Variants in ANKDD1A observed in about 807,000 individuals in gnomAD.
ANKDD1A encodes the protein ankyrin repeat and death domain-containing protein 1A.
In ANKDD1A, 59 loss-of-function variants were observed where a neutral mutation model predicts 63.5. That is an observed-to-expected ratio of 0.93 (90% confidence interval 0.75 to 1.15). ANKDD1A has a LOEUF of 1.15. Among genes scored for constraint, ANKDD1A ranks in the 50% most tolerant of loss-of-function variants. The probability of loss-of-function intolerance (pLI) is 0.00; values close to 1 mark genes in which losing one functional copy is unlikely to be tolerated. For synonymous variants in ANKDD1A, 266 were observed against 263.9 expected, an observed-to-expected ratio of 1.01 and a Z score of -0.08; for missense variants, 632 against 656.4, an observed-to-expected ratio of 0.96 and a Z score of 0.41.
intron 13 of ANKDD1A, among the ~76,000 whole-genome samples, chr15:64,947,865 G>A (rs2085236662): frequency 6.6e-6 from 1 of 152,050 alleles, no homozygotes; most frequent in Admixed American, 6.5e-5. Flanking sequence ...AACCATTCTT[G>A]GTAAAAAGAA....
intron 1 of ANKDD1A, among the ~76,000 whole-genome samples, chr15:64,914,890 ACT>A (rs2084958001): frequency 6.6e-6 from 1 of 151,984 alleles, no homozygotes; most frequent in South Asian, 2.1e-4. Flanking sequence ...TTAATCTGAG[ACT>A]CTGTGCTAAA....
chr15:64,926,787 C>T, intron 5 of ANKDD1A, 114 bp from the exon 6 acceptor site: 1 of 1,057,230 alleles, frequency 9.5e-7, no homozygotes, highest in Non-Finnish European at 1.4e-6. Flanking sequence ...GTGTCTGGGG[C>T]AGGAGAGGCC....
chr15:64,955,563 G>A (rs1037643691), intron 14 of ANKDD1A, among the ~76,000 whole-genome samples: 1 of 152,126 alleles, frequency 6.6e-6, no homozygotes, highest in Non-Finnish European at 1.5e-5. Context: ...GAAGCTTCAC[G>A]GTTTCCCAGA....
At position 64,927,280 on chromosome 15, in the gene ANKDD1A, G is replaced by A. The variant is rs573872488; in HGVS notation, c.570+281G>A. ...GCATAGTAAGGATTTCTGATCCGACGTGGCTGGCCAGGGTGGCAGATCTGG... is the reference window on the plus strand; with the variant it reads ...GCATAGTAAGGATTTCTGATCCGACATGGCTGGCCAGGGTGGCAGATCTGG... On this transcript the variant is annotated intron_variant, in intron 6 of 14. Coordinates refer to ENST00000319580, the MANE Select transcript of ANKDD1A (RefSeq NM_182703.6). Among the ~76,000 whole-genome samples the A allele has an allele frequency of 3.3e-5, 5 of 152,354 alleles. No individual in the cohort carries two copies. The East Asian group carries it at 5.8e-4, about 18-fold the overall frequency.
At chr15:64,920,248 G>C (rs189802730) in intron 3 of ANKDD1A, among the ~76,000 whole-genome samples, 27 of 152,270 alleles carry the variant, frequency 1.8e-4, no homozygotes, top group Non-Finnish European at 8.8e-5. Context: ...CGGGGAGGTG[G>C]GGGAAGTGCA....
intron 14 of ANKDD1A, among the ~76,000 whole-genome samples, chr15:64,953,222 T>C (rs2140390172): frequency 6.7e-6 from 1 of 150,174 alleles, no homozygotes; most frequent in South Asian, 2.1e-4. Flanking sequence ...TCTTTCTTGT[T>C]CCTTATTCTT....
chr15:64,912,030 G>T, intron 1 of ANKDD1A, 66 bp downstream of exon 1: 1 of 1,232,272 alleles, frequency 8.1e-7, no homozygotes, highest in South Asian at 4.1e-5. Context: ...TCCGTTTGGG[G>T]AGTGCCAGGG....
chr15:64,953,534 C>T (rs1480764927), intron 14 of ANKDD1A, among the ~76,000 whole-genome samples: 2,495 of 70,076 alleles, frequency 0.036, 55 homozygotes, highest in Admixed American at 0.055. Flanking sequence ...CCTTCTTCTC[C>T]TCTCCTTCTT....
At chr15:64,917,248 G>C in intron 2 of ANKDD1A, 138 bp from the exon 3 acceptor site, 4 of 1,155,944 alleles carry the variant, frequency 3.5e-6, no homozygotes, top group Non-Finnish European at 4.7e-6. Flanking sequence ...ATGGGGCTGG[G>C]TCCCCAGCTA....
chr15:64,937,554 C>G (rs1412133166), intron 9 of ANKDD1A, among the ~76,000 whole-genome samples: 1 of 151,962 alleles, frequency 6.6e-6, no homozygotes, highest in Non-Finnish European at 1.5e-5. Context: ...TAGTGAAACC[C>G]CGTCTCTACT....
intron 1 of ANKDD1A, among the ~76,000 whole-genome samples, chr15:64,915,586 G>A (rs977499368): frequency 1.3e-5 from 2 of 152,202 alleles, no homozygotes; most frequent in East Asian, 1.9e-4. Context: ...TCCTGGTTGC[G>A]TGGCTGTGGG....
At chr15:64,911,985 G>C in intron 1 of ANKDD1A, 21 bp downstream of exon 1, 1 of 361,704 alleles carries the variant, frequency 2.8e-6, no homozygotes, top group Non-Finnish European at 4.6e-6. Flanking sequence ...CTGGAGGAGG[G>C]AGGGGGGCGG....
intron 12 of ANKDD1A, 99 bp downstream of exon 12, chr15:64,944,846 TC>T: frequency 8.9e-7 from 1 of 1,129,676 alleles, no homozygotes; most frequent in Non-Finnish European, 1.3e-6. Flanking sequence ...CAATTCTGGG[TC>T]CCTCAGTCTC....
At chr15:64,954,101 TTTC>T (rs1341198016) in intron 14 of ANKDD1A, among the ~76,000 whole-genome samples, 44 of 148,168 alleles carry the variant, frequency 3.0e-4, no homozygotes, top group Admixed American at 2.4e-3. Flanking sequence ...TCCTCCCTCT[TTTC>T]TTCTTCCTTT....
intron 11 of ANKDD1A, 116 bp downstream of exon 11, chr15:64,943,698 C>T: frequency 1.1e-6 from 1 of 948,446 alleles, no homozygotes; most frequent in East Asian, 2.4e-5. Context: ...GACTGTCATC[C>T]TTTCTATACC....
chr15:64,952,331 CCTTCTCCTT>C (rs2085304737), intron 14 of ANKDD1A, among the ~76,000 whole-genome samples: 2 of 23,480 alleles, frequency 8.5e-5, no homozygotes, highest in African/African-American at 1.3e-4. Flanking sequence ...CTTCCTTCTT[CCTTCTCCTT>C]CTTCTTAGTT....
rs1280797018 is a variant in ANKDD1A at position 64,948,992 on chromosome 15, T to G, written c.1352-849T>G. On this transcript the variant is annotated intron_variant, in intron 13 of 14. Coordinates refer to ENST00000319580, the MANE Select transcript of ANKDD1A (RefSeq NM_182703.6). ...CAGTGGCGGGGGCAGAGATAGTTAA[T>G]AAATGGTGTTGAGACTGCTGGGTCA... 3.9e-5 allele frequency among the ~76,000 whole-genome samples: 6 copies of G among 152,228 alleles called. No individual in the cohort carries two copies. The South Asian group carries it at 1.2e-3, about 32-fold the overall frequency.
intron 14 of ANKDD1A, among the ~76,000 whole-genome samples, chr15:64,953,659 T>C (rs1211194183): frequency 3.4e-3 from 13 of 3,786 alleles, no homozygotes; most frequent in African/African-American, 4.6e-3. Context: ...TCTCCTTCTT[T>C]TCTTTCTTCT....
chr15:64,931,062 AAGC>A, intron 7 of ANKDD1A, 142 bp downstream of exon 7: 1 of 824,532 alleles, frequency 1.2e-6, no homozygotes, highest in Non-Finnish European at 1.9e-6. Context: ...AGGGAAAGAC[AAGC>A]AGCAGCACTG....
Sources: allele counts gnomAD v4.1 joint callset (sites outside exome capture counted in the v4.1 genomes callset), GRCh38; gene constraint gnomAD v4.1.1; transcripts MANE v1.5; gene names NCBI Gene and HGNC (gene_info 2026-07-23, HGNC 2026-07-21).